The following ENTREP2 variants were observed in gnomAD, a reference collection of about 807,000 sequenced individuals.
The protein encoded by ENTREP2 is protein ENTREP2.
At chr15:29,476,094 T>C in the ENTREP2 span, among the ~76,000 whole-genome samples, 1 of 152,212 alleles carries the variant, frequency 6.6e-6, no homozygotes, top group African/African-American at 2.4e-5. Flanking sequence ...TACACACATA[T>C]ACATTTTAGA....
chr15:29,426,862 G>A, the ENTREP2 span, among the ~76,000 whole-genome samples: 6 of 152,152 alleles, frequency 3.9e-5, no homozygotes, highest in Admixed American at 6.5e-5. Flanking sequence ...ACTGGGCGCC[G>A]AGTGGTCAGT....
chr15:29,136,543 G>A, the ENTREP2 span: 16 of 1,537,502 alleles, frequency 1.0e-5, no homozygotes, highest in Non-Finnish European at 1.4e-5. Flanking sequence ...CCCGAAGGAG[G>A]AGGCAGAAGT....
chr15:29,462,363 C>T, the ENTREP2 span, among the ~76,000 whole-genome samples: 1 of 152,122 alleles, frequency 6.6e-6, no homozygotes, highest in African/African-American at 2.4e-5. Context: ...AATCCCAGCA[C>T]TTTGGAAGGC....
At chr15:29,232,087 CGCCATG>C in the ENTREP2 span, among the ~76,000 whole-genome samples, 1 of 151,768 alleles carries the variant, frequency 6.6e-6, no homozygotes, top group African/African-American at 2.4e-5. Flanking sequence ...GATGGGGTTT[CGCCATG>C]TTGTCCAGGC....
chr15:29,624,480 A>C, the ENTREP2 span, among the ~76,000 whole-genome samples: 1 of 152,152 alleles, frequency 6.6e-6, no homozygotes, highest in Middle Eastern at 3.2e-3. Flanking sequence ...CCATCTGATC[A>C]GGGTTATGTC....
chr15:29,375,872 A>C, the ENTREP2 span: 1 of 152,096 alleles, frequency 6.6e-6, no homozygotes, highest in Admixed American at 6.5e-5. Flanking sequence ...TTGGCTCTGA[A>C]AAGCCCTGTT....
the ENTREP2 span, among the ~76,000 whole-genome samples, chr15:29,489,438 T>C: frequency 6.6e-6 from 1 of 152,146 alleles, no homozygotes; most frequent in Non-Finnish European, 1.5e-5. Flanking sequence ...GGTGGGGTGA[T>C]CTTTATCAAC....
chr15:29,389,667 G>A, the ENTREP2 span, among the ~76,000 whole-genome samples: 370 of 152,330 alleles, frequency 2.4e-3, 1 homozygote, highest in African/African-American at 8.2e-3. Context: ...CTACCTTGCC[G>A]TGGGCATCAG....
At chr15:29,514,815 TGA>T in the ENTREP2 span, among the ~76,000 whole-genome samples, 1 of 151,542 alleles carries the variant, frequency 6.6e-6, no homozygotes. Flanking sequence ...AATAAAAGAG[TGA>T]GGAATGGAGA....
chr15:29,259,023 T>C, the ENTREP2 span, among the ~76,000 whole-genome samples: 1 of 152,204 alleles, frequency 6.6e-6, no homozygotes, highest in East Asian at 1.9e-4. Flanking sequence ...AATCAACTAT[T>C]TCATAACTCT....
At chr15:29,424,616 A>G in the ENTREP2 span, among the ~76,000 whole-genome samples, 1 of 152,158 alleles carries the variant, frequency 6.6e-6, no homozygotes, top group Non-Finnish European at 1.5e-5. Flanking sequence ...CAGGTCATCC[A>G]CAACAGGGAG....
At chr15:29,119,039 T>A in the ENTREP2 span, among the ~76,000 whole-genome samples, 1 of 152,084 alleles carries the variant, frequency 6.6e-6, no homozygotes, top group South Asian at 2.1e-4. Flanking sequence ...AGGAGAAGAC[T>A]TACTCTCACC....
At chr15:29,183,365 T>C in the ENTREP2 span, among the ~76,000 whole-genome samples, 2 of 152,180 alleles carry the variant, frequency 1.3e-5, no homozygotes, top group African/African-American at 2.4e-5. Flanking sequence ...CGGGGATCCC[T>C]GCCATCGCTG....
At chr15:29,483,712 G>C in the ENTREP2 span, among the ~76,000 whole-genome samples, 1 of 152,204 alleles carries the variant, frequency 6.6e-6, no homozygotes, top group African/African-American at 2.4e-5. Flanking sequence ...AGTATTGTTA[G>C]TCCTCTAATT....
chr15:29,381,968 T>C, the ENTREP2 span: 1 of 780,938 alleles, frequency 1.3e-6, no homozygotes, highest in Non-Finnish European at 2.1e-6. Context: ...TACCATGAGC[T>C]GCATTTTCAC....
the ENTREP2 span, among the ~76,000 whole-genome samples, chr15:29,193,779 C>G: frequency 1.3e-5 from 2 of 152,142 alleles, no homozygotes; most frequent in Non-Finnish European, 2.9e-5. Context: ...GCTACCAGAA[C>G]TGAGTTTAGT....
chr15:29,512,983 A>C, the ENTREP2 span, among the ~76,000 whole-genome samples: 1 of 152,224 alleles, frequency 6.6e-6, no homozygotes, highest in Non-Finnish European at 1.5e-5. Context: ...ATATTCACCC[A>C]AGGATTCTTT....
chr15:29,554,348 A>G, the ENTREP2 span, among the ~76,000 whole-genome samples: 1 of 147,668 alleles, frequency 6.8e-6, no homozygotes, highest in East Asian at 2.1e-4. Flanking sequence ...GAAGTGAGGA[A>G]GGTAAGGAAG....
At chr15:29,267,218 T>C in the ENTREP2 span, 1 of 152,182 alleles carries the variant, frequency 6.6e-6, no homozygotes, top group Non-Finnish European at 1.5e-5. Flanking sequence ...TGAAGTTCAC[T>C]TTTTTCCCCG....
Sources: allele counts gnomAD v4.1 joint callset (sites outside exome capture counted in the v4.1 genomes callset), GRCh38; gene constraint gnomAD v4.1.1; transcripts MANE v1.5; gene names NCBI Gene and HGNC (gene_info 2026-07-23, HGNC 2026-07-21).